MSI2: variants seen among roughly 807,000 people sequenced by gnomAD.
MSI2 encodes the protein RNA-binding protein Musashi homolog 2.
A neutral mutation model predicts 45.6 loss-of-function variants in MSI2; 17 were observed. That is an observed-to-expected ratio of 0.37 (90% CI 0.26 to 0.56). The LOEUF (loss-of-function observed/expected upper bound fraction) is 0.56. Among genes scored for constraint, MSI2 ranks in the 20% least tolerant of loss-of-function variants. The pLI is 0.77. For missense variants in MSI2, 293 were observed against 444.2 expected, an observed-to-expected ratio of 0.66 and a Z score of 3.06; for synonymous variants, 156 against 158.2, an observed-to-expected ratio of 0.99 and a Z score of 0.11.
In MSI2 at chr17:57,681,991, T is replaced by C. The variant is rs1369300991; in HGVS notation, c.*2474T>C. ...TTTGTTGATCATTGTATGTTAATAA[T>C]GTATAAAATGGCTATCTTGTAAGCG... On this transcript the variant is annotated 3_prime_UTR_variant, in exon 14 of 14. Transcript: ENST00000284073. 1.9e-5 allele frequency: 4 copies of C among 211,340 alleles called. No homozygotes were observed. The highest frequency in any genetic ancestry group is 4.5e-5 in the African/African-American group (2 of 44,186). 13.1% of individuals were successfully genotyped at this position (211,340 alleles called of 1,614,324 possible).
At chr17:57,700,788 G>A in the MSI2 span, among the ~76,000 whole-genome samples, 2 of 152,010 alleles carry the variant, frequency 1.3e-5, no homozygotes, top group African/African-American at 4.8e-5. Flanking sequence ...TGTAATCCCA[G>A]CTACTCAGGA....
chr17:57,443,592 G>A, intron 6 of MSI2, among the ~76,000 whole-genome samples: 1 of 152,092 alleles, frequency 6.6e-6, no homozygotes, highest in East Asian at 1.9e-4. Context: ...GCCTAGGAGG[G>A]GTCTCTCAGG....
chr17:57,409,469 A>G (rs1257250797), intron 6 of MSI2, among the ~76,000 whole-genome samples: 1 of 152,198 alleles, frequency 6.6e-6, no homozygotes, highest in African/African-American at 2.4e-5. Context: ...AATAGATTGA[A>G]TTTGTATATG....
intron 7 of MSI2, among the ~76,000 whole-genome samples, chr17:57,556,726 C>T (rs2087444335): frequency 1.3e-5 from 2 of 152,210 alleles, no homozygotes; most frequent in African/African-American, 4.8e-5. Flanking sequence ...ACGAGGGTCA[C>T]ACCTGATGTT....
At chr17:57,322,361 C>T (rs1008218749) in intron 5 of MSI2, among the ~76,000 whole-genome samples, 4 of 152,022 alleles carry the variant, frequency 2.6e-5, no homozygotes, top group Non-Finnish European at 5.9e-5. Context: ...ATTAGGAGAA[C>T]TTGAATGGAA....
chr17:57,586,856 A>G (rs1247701149), intron 7 of MSI2, among the ~76,000 whole-genome samples: 2 of 152,062 alleles, frequency 1.3e-5, no homozygotes, highest in African/African-American at 2.4e-5. Flanking sequence ...CCTTAAAAAA[A>G]AAAAAAAAAA....
chr17:57,674,812 G>T, intron 11 of MSI2, 160 bp from the exon 12 acceptor site: 1 of 1,044,558 alleles, frequency 9.6e-7, no homozygotes, highest in Non-Finnish European at 1.4e-6. Flanking sequence ...CCTTGGTTGA[G>T]TGTTAGAAGT....
intron 7 of MSI2, among the ~76,000 whole-genome samples, chr17:57,574,009 G>A (rs933584468): frequency 1.3e-5 from 2 of 152,230 alleles, no homozygotes; most frequent in South Asian, 2.1e-4. Context: ...AAAGCCAGGC[G>A]GGGAAAGGAA....
intron 5 of MSI2, among the ~76,000 whole-genome samples, chr17:57,373,352 A>G (rs769918253): frequency 6.6e-6 from 1 of 152,242 alleles, no homozygotes; most frequent in Non-Finnish European, 1.5e-5. Flanking sequence ...CCCCAGGTCA[A>G]TCAGCCAGTT....
chr17:57,664,838 G>A (rs1045131252), intron 11 of MSI2, among the ~76,000 whole-genome samples: 1 of 152,148 alleles, frequency 6.6e-6, no homozygotes, highest in Non-Finnish European at 1.5e-5. Flanking sequence ...CCAGTTCAGT[G>A]GCTCTTGAAC....
intron 5 of MSI2, chr17:57,285,736 G>T (rs2143415819): frequency 1.1e-6 from 1 of 889,258 alleles, no homozygotes; most frequent in Non-Finnish European, 1.6e-6. Context: ...GTATTCCTGA[G>T]AATTTCTGTG....
chr17:57,549,274 T>G (rs558848974), intron 7 of MSI2, among the ~76,000 whole-genome samples: 2 of 151,972 alleles, frequency 1.3e-5, no homozygotes, highest in Non-Finnish European at 2.9e-5. Context: ...CCTGCAGGGG[T>G]TTATGCTTTG....
Position 57,257,095 on chromosome 17 carries a change from T to C in MSI2, c.63-3T>C. The C allele has an allele frequency of 4.5e-6, 7 of 1,563,624 alleles. No individual in the cohort carries two copies. Among genetic ancestry groups the C allele is most frequent in the African/African-American group, 1.4e-5 (1 of 71,074 alleles). On this transcript the variant is annotated splice_region_variant and splice_polypyrimidine_tract_variant and intron_variant, in intron 1 of 13. Transcript: ENST00000284073. Reference sequence around the variant, plus strand: ...TCACTTCTGTTATGTTTTCTCCCTCTAGTAAAATGTTTATCGGTGGACTGA... The same window carrying C: ...TCACTTCTGTTATGTTTTCTCCCTCCAGTAAAATGTTTATCGGTGGACTGA...
At chr17:57,426,752 T>C (rs2084499655) in intron 6 of MSI2, among the ~76,000 whole-genome samples, 1 of 152,198 alleles carries the variant, frequency 6.6e-6, no homozygotes, top group Non-Finnish European at 1.5e-5. Flanking sequence ...CCTCTCCTGT[T>C]GTTACCTTTT....
chr17:57,306,227 TCTC>T (rs940876851), intron 5 of MSI2, among the ~76,000 whole-genome samples: 2 of 151,872 alleles, frequency 1.3e-5, no homozygotes, highest in African/African-American at 4.8e-5. Flanking sequence ...TGTGTTTCCT[TCTC>T]CTTGTGCCTT....
At chr17:57,502,636 T>TATATATATATATATATATAGAGAG in intron 6 of MSI2, among the ~76,000 whole-genome samples, 6 of 96,898 alleles carry the variant, frequency 6.2e-5, no homozygotes, top group Admixed American at 4.0e-4. Context: ...TATATATATA[T>TATATATATATATATATATAGAGAG]AGTCATCATT....
intron 7 of MSI2, among the ~76,000 whole-genome samples, chr17:57,560,210 A>G (rs950375472): frequency 6.6e-6 from 1 of 152,226 alleles, no homozygotes; most frequent in African/African-American, 2.4e-5. Flanking sequence ...TGACATCTTC[A>G]TAACTTGCCC....
intron 7 of MSI2, among the ~76,000 whole-genome samples, chr17:57,530,183 C>G (rs2160423): frequency 2.6e-4 from 40 of 152,264 alleles, no homozygotes; most frequent in African/African-American, 8.9e-4. Flanking sequence ...GTGATTACAG[C>G]CTTGGGAATG....
the MSI2 span, among the ~76,000 whole-genome samples, chr17:57,690,308 G>A: frequency 2.6e-5 from 4 of 151,958 alleles, no homozygotes; most frequent in South Asian, 2.1e-4. Flanking sequence ...CAAATCTTTC[G>A]CCCAAATTTA....
Sources: gnomAD v4.1 joint callset for allele counts (sites outside exome capture counted in the v4.1 genomes callset) on GRCh38, gnomAD v4.1.1 for gene constraint, MANE v1.5 for transcripts, NCBI Gene and HGNC (gene_info 2026-07-23, HGNC 2026-07-21) for gene names.